The following TUBA4B variants were observed in gnomAD, a reference collection of about 807,000 sequenced individuals.
The protein encoded by TUBA4B is tubulin alpha 4b.
Under a neutral mutation model 18.4 loss-of-function variants are expected in TUBA4B, and 13 were observed. That is an observed-to-expected ratio of 0.71 (90% confidence interval 0.46 to 1.12). The LOEUF is 1.12. Among genes scored for constraint, TUBA4B ranks in the 50% most tolerant of loss-of-function variants. The pLI, the probability that TUBA4B is intolerant of heterozygous loss-of-function variation, is 0.00. For missense variants in TUBA4B, 244 were observed against 250.0 expected (o/e 0.98, Z 0.16); for synonymous variants, 101 against 99.1 (o/e 1.02, Z -0.11).
At chr2:219,260,271 T>G (rs183941481) in intron 1 of TUBA4B, among the ~76,000 whole-genome samples, 1 of 152,154 alleles carries the variant, frequency 6.6e-6, no homozygotes, top group Admixed American at 6.5e-5. Flanking sequence ...TTTTATTATA[T>G]TATCTCTATT....
At chr2:219,259,834 C>T (rs1951749031) in intron 1 of TUBA4B, among the ~76,000 whole-genome samples, 1 of 152,194 alleles carries the variant, frequency 6.6e-6, no homozygotes, top group East Asian at 1.9e-4. Context: ...TCCCAGCCAT[C>T]CTCCTTCTCA....
chr2:219,265,623 C>A (rs1951785153), intron 1 of TUBA4B, among the ~76,000 whole-genome samples: 1 of 151,470 alleles, frequency 6.6e-6, no homozygotes, highest in South Asian at 2.1e-4. Flanking sequence ...GGCAACAGAG[C>A]AAGACTCCTT....
At chr2:219,267,581 GTT>G (rs1329718937) in intron 2 of TUBA4B, among the ~76,000 whole-genome samples, 2 of 142,504 alleles carry the variant, frequency 1.4e-5, no homozygotes, top group African/African-American at 2.6e-5. Context: ...TCTTTTTTTT[GTT>G]TTTTTTTTTT....
chr2:219,258,621 T>C (rs1297090642), intron 1 of TUBA4B, among the ~76,000 whole-genome samples: 1 of 152,110 alleles, frequency 6.6e-6, no homozygotes, highest in East Asian at 1.9e-4. Flanking sequence ...TGATTCACCA[T>C]GCCCAGCCCA....
At chr2:219,254,264 T>G (rs1951697284) in intron 1 of TUBA4B, 1 of 175,060 alleles carries the variant, frequency 5.7e-6, no homozygotes, top group Non-Finnish European at 1.2e-5. Context: ...GTGTTCTGAC[T>G]TAGGTCGGGA....
At position 219,257,341 on chromosome 2, in the gene TUBA4B, T is replaced by A. The variant is rs1392558330; in HGVS notation, c.12+3922T>A. ...CAGGTGTGAGCCACTGCGCCCAGCC[T>A]TTTTTTTTTTTTTTTTTTTTGAGGC... On this transcript the variant is annotated intron_variant, in intron 1 of 3. Coordinates refer to ENST00000490341, the MANE Select transcript of TUBA4B (RefSeq NM_001355221.1). Among the ~76,000 whole-genome samples, 39 of 61,190 alleles carry A rather than the reference T, an allele frequency of 6.4e-4. 1 individual carries two copies. Among genetic ancestry groups the A allele is most frequent in the African/African-American group, 3.4e-3 (39 of 11,572 alleles). The allele number at this position is 61,190 out of a possible 152,430, so 40.1% of individuals were successfully genotyped here. A position where few individuals can be genotyped will look rare whatever the true frequency, so the allele number is the denominator to read the frequency against.
rs149044026 is a variant in TUBA4B at position 219,264,576 on chromosome 2, G to A, written c.13-1945G>A. 3.3e-5 allele frequency among the ~76,000 whole-genome samples: 5 copies of A among 152,242 alleles called. No individual in the cohort carries two copies. In the East Asian group the frequency reaches 5.8e-4, roughly 18 times the overall value. ...TTATGAGGTAGAATAAGGGTTACAT[G>A]AGCAGAAGCATCGCCACAGTCGATC... On this transcript the variant is annotated intron_variant, in intron 1 of 3. Transcript: ENST00000490341.
At chr2:219,265,566 G>A (rs1000928012) in intron 1 of TUBA4B, among the ~76,000 whole-genome samples, 1 of 152,196 alleles carries the variant, frequency 6.6e-6, no homozygotes, top group African/African-American at 2.4e-5. Context: ...GAACCCCGGA[G>A]GTGGAGGTTG....
intron 1 of TUBA4B, among the ~76,000 whole-genome samples, chr2:219,258,221 C>T (rs997306561): frequency 2.0e-5 from 3 of 151,786 alleles, no homozygotes; most frequent in Non-Finnish European, 4.4e-5. Context: ...GAACTCCTGA[C>T]CTCAGGTAAT....
At chr2:219,260,291 AT>A (rs1170814186) in intron 1 of TUBA4B, among the ~76,000 whole-genome samples, 7 of 152,016 alleles carry the variant, frequency 4.6e-5, no homozygotes, top group Non-Finnish European at 8.8e-5. Context: ...TTTTAGGTAT[AT>A]TTTTAATAAT....
At chr2:219,267,098 G>A (rs1678787636) in intron 2 of TUBA4B, among the ~76,000 whole-genome samples, 3 of 152,170 alleles carry the variant, frequency 2.0e-5, no homozygotes, top group Non-Finnish European at 2.9e-5. Context: ...AAGGAGGAGG[G>A]AAAAGGGGGT....
chr2:219,255,439 G>A lies in TUBA4B; in HGVS notation c.12+2020G>A, dbSNP rs182460058. Among the ~76,000 whole-genome samples, 466 of 152,222 alleles carry A rather than the reference G, an allele frequency of 3.1e-3. 1 individual carries two copies. The highest frequency in any genetic ancestry group is 4.5e-3 in the Non-Finnish European group (305 of 68,016). On this transcript the variant is annotated intron_variant, in intron 1 of 3. Coordinates refer to ENST00000490341, the MANE Select transcript of TUBA4B (RefSeq NM_001355221.1). ...GTAGAGACGGGGTTTCACCATGTTG[G>A]TCAGGCTGGTCTCCAACTCCTGACC...
intron 1 of TUBA4B, among the ~76,000 whole-genome samples, chr2:219,258,742 C>A (rs1272952708): frequency 6.6e-6 from 1 of 152,036 alleles, no homozygotes. Context: ...GAAAATAATA[C>A]GACAACAATA....
chr2:219,259,478 T>A (rs1021717053), intron 1 of TUBA4B, among the ~76,000 whole-genome samples: 1 of 152,166 alleles, frequency 6.6e-6, no homozygotes, highest in Non-Finnish European at 1.5e-5. Flanking sequence ...AGTATGCAGG[T>A]AATGGTCCAT....
chr2:219,267,430 A>G (rs1420806989), intron 2 of TUBA4B, among the ~76,000 whole-genome samples: 1 of 152,202 alleles, frequency 6.6e-6, no homozygotes, highest in Non-Finnish European at 1.5e-5. Context: ...GCAATGTAAC[A>G]ACACAGGCCG....
At chr2:219,266,182 G>T in intron 1 of TUBA4B, 1 of 270,830 alleles carries the variant, frequency 3.7e-6, no homozygotes, top group South Asian at 6.4e-5. Flanking sequence ...CTGGAGCTCA[G>T]GGTCTTGATT....
At chr2:219,262,976 G>A (rs2125075620) in intron 1 of TUBA4B, among the ~76,000 whole-genome samples, 1 of 152,174 alleles carries the variant, frequency 6.6e-6, no homozygotes, top group Non-Finnish European at 1.5e-5. Context: ...GGGAGGCGGA[G>A]GTCGCAGTGA....
intron 1 of TUBA4B, among the ~76,000 whole-genome samples, chr2:219,258,848 CA>C (rs1951740870): frequency 6.6e-6 from 1 of 152,102 alleles, no homozygotes; most frequent in Non-Finnish European, 1.5e-5. Flanking sequence ...ACACAGAACA[CA>C]AGTGTCTGTT....
At chr2:219,268,793 G>T (rs771813432) in intron 2 of TUBA4B, among the ~76,000 whole-genome samples, 1 of 152,132 alleles carries the variant, frequency 6.6e-6, no homozygotes, top group African/African-American at 2.4e-5. Context: ...ATGCAAAAAG[G>T]TATAAATAAT....
Sources: allele counts gnomAD v4.1 joint callset (sites outside exome capture counted in the v4.1 genomes callset), GRCh38; gene constraint gnomAD v4.1.1; transcripts MANE v1.5; gene names NCBI Gene and HGNC (gene_info 2026-07-23, HGNC 2026-07-21).